The following N4BP1 variants were observed in gnomAD, a reference collection of about 807,000 sequenced individuals.
N4BP1 encodes NEDD4 binding protein 1.
In N4BP1, 21 loss-of-function variants were observed where a neutral mutation model predicts 70.9. The ratio of observed to expected loss-of-function variants is 0.30; its 90% CI spans 0.21 to 0.43. The LOEUF (loss-of-function observed/expected upper bound fraction) is 0.43. Among genes scored for constraint, N4BP1 ranks in the 20% least tolerant of loss-of-function variants. N4BP1 has a pLI of 1.00. For missense variants in N4BP1, 936 were observed against 1,069.4 expected (o/e 0.88, Z 1.74); for synonymous variants, 387 against 394.6 (o/e 0.98, Z 0.23).
In N4BP1 at chr16:48,540,521, T is replaced by G. The variant is rs1665504500; in HGVS notation, c.*2383A>C. ...AGGGGTTCAAACAGACTGCTTGCAT[T>G]AAGGTCAGACAAGGCTCTTTTACTT... On this transcript the variant is annotated 3_prime_UTR_variant, in exon 7 of 7. Coordinates refer to ENST00000262384, the MANE Select transcript of N4BP1 (RefSeq NM_153029.4). 1 of 152,324 alleles carries G rather than the reference T, an allele frequency of 6.6e-6. No individual in the cohort carries two copies. 9.4% of individuals were successfully genotyped at this position (152,324 alleles called of 1,614,324 possible). A position where few individuals can be genotyped will look rare whatever the true frequency, so the allele number is the denominator to read the frequency against.
intron 1 of N4BP1, among the ~76,000 whole-genome samples, chr16:48,608,695 A>C (rs1021754489): frequency 2.7e-5 from 4 of 150,252 alleles, no homozygotes; most frequent in African/African-American, 9.8e-5. Flanking sequence ...GAGGTCTGAA[A>C]TGCTGATTTA....
chr16:48,554,565 TAGAA>T (rs199800889), intron 2 of N4BP1, among the ~76,000 whole-genome samples: 2,401 of 152,282 alleles, frequency 0.016, 23 homozygotes, highest in Middle Eastern at 0.037. Context: ...TCATGGGTAT[TAGAA>T]AGAAAAAAAG....
intron 1 of N4BP1, among the ~76,000 whole-genome samples, chr16:48,606,838 T>C (rs1037106563): frequency 2.6e-5 from 4 of 152,196 alleles, no homozygotes; most frequent in African/African-American, 7.2e-5. Flanking sequence ...AGAGACACTA[T>C]AGTTGAAAAA....
intron 1 of N4BP1, among the ~76,000 whole-genome samples, chr16:48,601,024 T>C (rs1243550326): frequency 7.2e-5 from 11 of 152,222 alleles, no homozygotes; most frequent in Admixed American, 1.3e-4. Context: ...TTTATTAATG[T>C]TATGGAAAGG....
At chr16:48,599,237 G>C (rs1330959333) in intron 1 of N4BP1, among the ~76,000 whole-genome samples, 1 of 152,124 alleles carries the variant, frequency 6.6e-6, no homozygotes. Context: ...CACAGGACCA[G>C]GGCTGCAACT....
chr16:48,593,011 T>C (rs1340725640), intron 1 of N4BP1, among the ~76,000 whole-genome samples: 1 of 152,208 alleles, frequency 6.6e-6, no homozygotes, highest in African/African-American at 2.4e-5. Flanking sequence ...GTCTAAGTCA[T>C]GAAAGGATTC....
At chr16:48,602,485 C>T (rs1442871379) in intron 1 of N4BP1, among the ~76,000 whole-genome samples, 4 of 152,026 alleles carry the variant, frequency 2.6e-5, no homozygotes, top group Admixed American at 6.6e-5. Flanking sequence ...CACTTCTGAC[C>T]CCAGCATAAG....
Position 48,560,840 on chromosome 16 carries a change from T to A in N4BP1, c.1803A>T (p.Lys601Asn), listed in dbSNP as rs760755930. The A allele has an allele frequency of 6.2e-7, 1 of 1,613,958 alleles. No individual in the cohort carries two copies. Among genetic ancestry groups the A allele is most frequent in the Non-Finnish European group, 8.5e-7 (1 of 1,179,866 alleles). Residue 601 changes from lysine (K) to asparagine (N), a missense_variant, in exon 2 of 7, where the codon AAA becomes AAT. Lys to Asn is a moderately conservative substitution (Grantham distance 94). Around this residue, in one of 4 missense-constraint regions of N4BP1, gnomAD observed 515 missense variants for 491.7 expected, o/e 1.05. Coordinates refer to ENST00000262384, the MANE Select transcript of N4BP1 (RefSeq NM_153029.4). ...TTTTTAATTCCAGCTTGTAGGGTAT[T>A]TTTAGAGTATCTCGAAACCTTTGAA... ...TGVQRFRDTL[K>N]IPYKLELKNE...
chr16:48,560,724 A>G (rs556616339), intron 2 of N4BP1, 30 bp downstream of exon 2: 2 of 1,560,340 alleles, frequency 1.3e-6, no homozygotes, highest in African/African-American at 1.4e-5. Flanking sequence ...CCCTATTTAA[A>G]ATAAAATAAT....
chr16:48,558,528 C>T (rs554122785), intron 2 of N4BP1, among the ~76,000 whole-genome samples: 1 of 152,278 alleles, frequency 6.6e-6, no homozygotes, highest in South Asian at 2.1e-4. Flanking sequence ...CCAACAGTGA[C>T]CCTGCTGAGA....
In N4BP1 at chr16:48,609,764, GC is replaced by G; in HGVS notation, c.198+10del. ...AGGCCGCGGGCGCGCGGGGGCGGCG[GC>G]CGGACTCACCTTGGCGCTGTGCACC... On this transcript the variant is annotated intron_variant, in intron 1 of 6. Transcript: ENST00000262384. 7.4e-7 allele frequency: 1 copy of G among 1,354,792 alleles called. No homozygotes were observed. The highest frequency in any genetic ancestry group is 9.5e-7 in the Non-Finnish European group (1 of 1,055,440). 83.9% of individuals were successfully genotyped at this position (1,354,792 alleles called of 1,614,324 possible). A position where few individuals can be genotyped will look rare whatever the true frequency, so the allele number is the denominator to read the frequency against.
intron 1 of N4BP1, among the ~76,000 whole-genome samples, chr16:48,572,829 A>G (rs1268698257): frequency 2.0e-5 from 3 of 152,210 alleles, no homozygotes; most frequent in Non-Finnish European, 4.4e-5. Flanking sequence ...AAAACAGGGC[A>G]GATACAAATT....
At chr16:48,563,412 A>ATT (rs922184575) in intron 1 of N4BP1, among the ~76,000 whole-genome samples, 1 of 146,688 alleles carries the variant, frequency 6.8e-6, no homozygotes. Context: ...TATATATATA[A>ATT]TTTTTTTTTT....
chr16:48,551,400 A>G lies in N4BP1; in HGVS notation c.2103T>C (p.Ala701=). The change falls in exon 4 of 7, where the codon GCT becomes GCC. Residue 701 remains alanine (A), a synonymous_variant. Coordinates refer to ENST00000262384, the MANE Select transcript of N4BP1 (RefSeq NM_153029.4). ...GCCTTTCATACCTGTCATCATGAGA[A>G]GCAATTCTTTCTCCAAAGACCATCC... is the stretch of plus-strand genomic sequence containing the variant. ...PARMVFGERI[A]SHDDRFLLHL... The G allele has an allele frequency of 6.2e-7, 1 of 1,613,438 alleles. No homozygotes were observed. The highest frequency in any genetic ancestry group is 1.1e-5 in the South Asian group (1 of 91,056).
At chr16:48,547,965 AAAC>A in intron 5 of N4BP1, 39 bp downstream of exon 5, 1 of 1,326,868 alleles carries the variant, frequency 7.5e-7, no homozygotes, top group Non-Finnish European at 1.1e-6. Context: ...AAACAATTAA[AAAC>A]AAAACTTTTC....
chr16:48,561,571 C>T lies in N4BP1; in HGVS notation c.1072G>A (p.Gly358Ser). 1 of 1,613,754 alleles carries T rather than the reference C, an allele frequency of 6.2e-7. No homozygotes were observed. The change falls in exon 2 of 7, where the codon GGC becomes AGC. Residue 358 changes from glycine to serine, a missense_variant. Coordinates refer to ENST00000262384, the MANE Select transcript of N4BP1 (RefSeq NM_153029.4). ...NILVNFFKTM[G>S]YSQEIVEKVI... ...TTTTCAACAATTTCTTGGGAGTAGC[C>T]CATGGTTTTAAAAAAGTTTACGAGG...
chr16:48,560,656 A>G lies in N4BP1; in HGVS notation c.1889+98T>C, dbSNP rs190969865. ...CCGACCCTAAGGCTACAGATCAACT[A>G]TATACAACATGTATGTATAGTTCCC... On this transcript the variant is annotated intron_variant, in intron 2 of 6. Transcript: ENST00000262384. 3.5e-6 allele frequency: 5 copies of G among 1,441,758 alleles called. No individual in the cohort carries two copies. In the African/African-American group the frequency reaches 7.1e-5, roughly 21 times the overall value. The allele number at this position is 1,441,758 out of a possible 1,614,324, so 89.3% of individuals were successfully genotyped here.
chr16:48,587,800 A>G (rs1597108153), intron 1 of N4BP1, among the ~76,000 whole-genome samples: 2 of 152,320 alleles, frequency 1.3e-5, no homozygotes, highest in East Asian at 3.9e-4. Flanking sequence ...TGCTCAGGAA[A>G]CTGGCCTGGT....
At chr16:48,609,698 G>C in intron 1 of N4BP1, 77 bp downstream of exon 1, 1 of 1,176,076 alleles carries the variant, frequency 8.5e-7, no homozygotes, top group Non-Finnish European at 1.1e-6. Context: ...GCGGACGGCG[G>C]GGGCGGGGAG....
Sources: allele counts gnomAD v4.1 joint callset (sites outside exome capture counted in the v4.1 genomes callset), GRCh38; gene constraint gnomAD v4.1.1; regional missense constraint gnomAD v4.1.1; transcripts MANE v1.5; gene names NCBI Gene and HGNC (gene_info 2026-07-23, HGNC 2026-07-21).